SCAF4: variants seen among roughly 807,000 people sequenced by gnomAD.
The protein encoded by SCAF4 is SR-related and CTD-associated factor 4.
A neutral mutation model predicts 129.8 loss-of-function variants in SCAF4; 25 were observed. The observed-to-expected ratio is 0.19, with a 90% confidence interval of 0.14 to 0.27. The LOEUF (loss-of-function observed/expected upper bound fraction) is 0.27, where lower values mean the gene tolerates loss of function less well. Among genes scored for constraint, SCAF4 ranks in the 10% least tolerant of loss-of-function variants. The pLI is 1.00. For missense variants in SCAF4, 1,246 were observed against 1,457.1 expected, an observed-to-expected ratio of 0.86 and a Z score of 2.36; for synonymous variants, 551 against 497.7, an observed-to-expected ratio of 1.11 and a Z score of -1.43.
In SCAF4 at chr21:31,694,762, A is replaced by T. The variant is rs766630614; in HGVS notation, c.1236+51T>A. Reference sequence around the variant, plus strand: ...CAAGCAAATAAGGAGAAATCTGCATATAAGTCAAGGCAACAAAAAAAGATA... The same window carrying T: ...CAAGCAAATAAGGAGAAATCTGCATTTAAGTCAAGGCAACAAAAAAAGATA... On this transcript the variant is annotated intron_variant, in intron 10 of 19. Coordinates refer to ENST00000286835, the MANE Select transcript of SCAF4 (RefSeq NM_020706.2). 5 of 1,558,292 alleles carry T rather than the reference A, an allele frequency of 3.2e-6. No homozygotes were observed. In the East Asian group the frequency reaches 6.7e-5, roughly 21 times the overall value.
intron 1 of SCAF4, among the ~76,000 whole-genome samples, chr21:31,724,377 T>C (rs1163055416): frequency 6.6e-6 from 1 of 152,200 alleles, no homozygotes; most frequent in Admixed American, 6.5e-5. Context: ...ATACCAATGT[T>C]ACCAAAATTT....
At chr21:31,711,156 TA>T (rs995770988) in intron 1 of SCAF4, among the ~76,000 whole-genome samples, 8 of 152,200 alleles carry the variant, frequency 5.3e-5, no homozygotes, top group African/African-American at 1.7e-4. Flanking sequence ...ACATTTTTCT[TA>T]AAATTTCAAG....
Position 31,685,237 on chromosome 21 carries a change from G to A in SCAF4, c.2300C>T (p.Thr767Ile). 6.3e-7 allele frequency: 1 copy of A among 1,592,504 alleles called. No individual in the cohort carries two copies. Among genetic ancestry groups the A allele is most frequent in the Non-Finnish European group, 8.6e-7 (1 of 1,161,722 alleles). ...HTPPISIPNSTIAGINEDTTK... is the reference protein window; with the variant it reads ...HTPPISIPNSIIAGINEDTTK... ...AGTGTCTTCATTTATACCAGCGATA[G>A]TAGCTAAGGAATATAATTATATCAA... The change falls in exon 19 of 20, where the codon ACT (threonine) becomes ATT (isoleucine). Residue 767 changes from threonine to isoleucine, a missense_variant. Thr to Ile is a moderately conservative substitution (Grantham distance 89). Transcript: ENST00000286835.
chr21:31,691,729 G>A (rs112626517), intron 14 of SCAF4, 88 bp downstream of exon 14: 164 of 397,166 alleles, frequency 4.1e-4, no homozygotes, highest in Non-Finnish European at 6.2e-4. Flanking sequence ...AAGTCATTTC[G>A]AAGACCCAAA....
At chr21:31,695,079 A>G in intron 9 of SCAF4, 99 bp from the exon 10 acceptor site, 2 of 975,908 alleles carry the variant, frequency 2.0e-6, no homozygotes, top group Non-Finnish European at 3.0e-6. Context: ...AAGTTTGATC[A>G]AGGAAAAGTT....
chr21:31,681,880 T>C (rs960619445), intron 19 of SCAF4, among the ~76,000 whole-genome samples: 4 of 152,180 alleles, frequency 2.6e-5, no homozygotes, highest in African/African-American at 9.7e-5. Context: ...CTACAGAATT[T>C]TTGGAGACCC....
chr21:31,691,155 A>G (rs897538990), intron 14 of SCAF4, among the ~76,000 whole-genome samples: 15 of 152,164 alleles, frequency 9.9e-5, no homozygotes, highest in South Asian at 4.1e-4. Context: ...TAGGATGGAA[A>G]TTTCACTGGC....
At chr21:31,716,626 T>C (rs778252901) in intron 1 of SCAF4, among the ~76,000 whole-genome samples, 1 of 152,144 alleles carries the variant, frequency 6.6e-6, no homozygotes, top group Non-Finnish European at 1.5e-5. Context: ...AGTTTTAAAA[T>C]CATCTTTCCT....
chr21:31,702,596 T>C (rs1041562244), intron 4 of SCAF4, among the ~76,000 whole-genome samples: 4 of 152,158 alleles, frequency 2.6e-5, no homozygotes, highest in Admixed American at 6.5e-5. Context: ...AGATGGACTA[T>C]AGACCCAGAC....
At chr21:31,681,346 T>C (rs2049990264) in intron 19 of SCAF4, among the ~76,000 whole-genome samples, 1 of 152,240 alleles carries the variant, frequency 6.6e-6, no homozygotes, top group African/African-American at 2.4e-5. Flanking sequence ...ACAGTACAGA[T>C]AGGTAACACA....
At chr21:31,710,523 T>C (rs1325563207) in intron 1 of SCAF4, among the ~76,000 whole-genome samples, 1 of 152,180 alleles carries the variant, frequency 6.6e-6, no homozygotes, top group East Asian at 1.9e-4. Context: ...CACTCCAGCC[T>C]GGGATACAGA....
In SCAF4 at chr21:31,693,298, T is replaced by G. The variant is rs1409616442; in HGVS notation, c.1509A>C (p.Ala503=). 1.4e-6 allele frequency: 2 copies of G among 1,472,114 alleles called. No individual in the cohort carries two copies. The highest frequency in any genetic ancestry group is 9.1e-7 in the Non-Finnish European group (1 of 1,093,134). The allele number at this position is 1,472,114 out of a possible 1,614,324, so 91.2% of individuals were successfully genotyped here. A position where few individuals can be genotyped will look rare whatever the true frequency, so the allele number is the denominator to read the frequency against. ...KGLPQVKPET[A]SVCSTTLWVG... ...TGAATATAAAGGTTGAGTTACCACT[T>G]GCAGTTTCCGGTTTCACTTGAGGGA... The change falls in exon 12 of 20, where the codon GCA becomes GCC. Residue 503 remains alanine, a synonymous_variant. Transcript: ENST00000286835.
chr21:31,699,984 T>C (rs1270871589), intron 7 of SCAF4, among the ~76,000 whole-genome samples: 2 of 151,998 alleles, frequency 1.3e-5, no homozygotes, highest in Non-Finnish European at 2.9e-5. Flanking sequence ...GCTTGTTTTT[T>C]AGAGACAGGA....
chr21:31,717,944 C>T (rs1026604504), intron 1 of SCAF4, among the ~76,000 whole-genome samples: 4 of 125,190 alleles, frequency 3.2e-5, no homozygotes, highest in Admixed American at 7.9e-5. Flanking sequence ...CACACACACA[C>T]ACATATATAT....
intron 1 of SCAF4, among the ~76,000 whole-genome samples, chr21:31,727,112 A>G (rs1288193643): frequency 6.6e-6 from 1 of 151,932 alleles, no homozygotes; most frequent in Non-Finnish European, 1.5e-5. Flanking sequence ...GGACTCTCAC[A>G]CTGTTGCCCA....
chr21:31,690,259 CG>C (rs1202613630), intron 15 of SCAF4, among the ~76,000 whole-genome samples: 2 of 151,958 alleles, frequency 1.3e-5, no homozygotes, highest in African/African-American at 4.8e-5. Context: ...TCGAGGTGGG[CG>C]GATCATTTGA....
At chr21:31,680,665 T>C (rs2049975043) in intron 19 of SCAF4, among the ~76,000 whole-genome samples, 1 of 152,246 alleles carries the variant, frequency 6.6e-6, no homozygotes, top group Non-Finnish European at 1.5e-5. Flanking sequence ...ATGTTAGTAC[T>C]TTGAAAACTC....
chr21:31,712,368 C>G (rs1294805926), intron 1 of SCAF4, among the ~76,000 whole-genome samples: 1 of 151,182 alleles, frequency 6.6e-6, no homozygotes, highest in Admixed American at 6.6e-5. Flanking sequence ...CAGACGTGCA[C>G]CACCACACCC....
chr21:31,704,273 AG>A (rs1424957646), intron 3 of SCAF4, among the ~76,000 whole-genome samples: 2 of 152,142 alleles, frequency 1.3e-5, no homozygotes, highest in Non-Finnish European at 2.9e-5. Context: ...CTGCTCAAAA[AG>A]GTAATTTTTA....
Sources: allele counts gnomAD v4.1 joint callset (sites outside exome capture counted in the v4.1 genomes callset), GRCh38; gene constraint gnomAD v4.1.1; transcripts MANE v1.5; gene names NCBI Gene and HGNC (gene_info 2026-07-23, HGNC 2026-07-21).